Variants in ZCWPW2 observed in about 807,000 individuals in gnomAD.
The protein encoded by ZCWPW2 is zinc finger CW-type PWWP domain protein 2.
Under a neutral mutation model 46.6 loss-of-function variants are expected in ZCWPW2, and 45 were observed. The ratio of observed to expected loss-of-function variants is 0.96; its 90% CI spans 0.76 to 1.24. The LOEUF (loss-of-function observed/expected upper bound fraction) is 1.24. ZCWPW2 is among the 50% of genes most tolerant of loss of function. The pLI is 0.00. For missense variants in ZCWPW2, 429 were observed against 403.9 expected (o/e 1.06, Z -0.53); for synonymous variants, 152 against 137.1 (o/e 1.11, Z -0.76).
intron 1 of ZCWPW2, among the ~76,000 whole-genome samples, chr3:28,384,196 T>C (rs987596930): frequency 6.6e-5 from 10 of 152,312 alleles, no homozygotes; most frequent in African/African-American, 1.7e-4. Flanking sequence ...CCAACCACAG[T>C]CTTCTTTCCT....
At chr3:28,404,367 T>C (rs954439762) in intron 2 of ZCWPW2, among the ~76,000 whole-genome samples, 4 of 151,954 alleles carry the variant, frequency 2.6e-5, no homozygotes, top group South Asian at 2.1e-4. Flanking sequence ...AATCAAAAAA[T>C]CAAAAAACAG....
intron 4 of ZCWPW2, among the ~76,000 whole-genome samples, chr3:28,450,035 C>T (rs1051133062): frequency 6.6e-6 from 1 of 152,202 alleles, no homozygotes; most frequent in Admixed American, 6.5e-5. Context: ...GTCTGAGCCT[C>T]ACTCTACTGG....
chr3:28,413,161 T>G lies in ZCWPW2; in HGVS notation c.93T>G (p.Val31=), dbSNP rs1279436174. The G allele has an allele frequency of 6.2e-7, 1 of 1,613,210 alleles. No homozygotes were observed. The highest frequency in any genetic ancestry group is 1.3e-5 in the African/African-American group (1 of 74,890). The change falls in exon 3 of 10, where the codon GTT becomes GTG. Residue 31 remains valine, a synonymous_variant. Transcript: ENST00000383768. ...ACATGTATGTAAACAAAGTGTGGGT[T>G]CAATGTGAGAATGAAAATTGTTTGA... The part of the protein sequence containing the change: ...VENMYVNKVW[V]QCENENCLKW...
intron 4 of ZCWPW2, among the ~76,000 whole-genome samples, chr3:28,440,033 G>T (rs1022064405): frequency 1.3e-5 from 2 of 152,080 alleles, no homozygotes; most frequent in African/African-American, 2.4e-5. Context: ...AGGGGTCTGG[G>T]CTATTTGTAG....
chr3:28,448,512 T>C (rs1698084021), intron 4 of ZCWPW2, among the ~76,000 whole-genome samples: 1 of 151,730 alleles, frequency 6.6e-6, no homozygotes, highest in Admixed American at 6.6e-5. Context: ...CGGCCAGATG[T>C]GGTGGCTCAT....
At chr3:28,421,174 G>A (rs577557877) in intron 3 of ZCWPW2, among the ~76,000 whole-genome samples, 99 of 152,244 alleles carry the variant, frequency 6.5e-4, no homozygotes, top group African/African-American at 2.2e-3. Flanking sequence ...AGGGAGGGAA[G>A]GGTGCCTCAA....
rs149809750 is a variant in ZCWPW2, at chr3:28,392,607, C to A, written c.-14+1990C>A. On this transcript the variant is annotated intron_variant, in intron 2 of 9. Transcript: ENST00000383768. ...TTAACAAATTTAGGAAGATTGAAAT[C>A]ATATAATTTCTGACCACAATGGTAT... 2.6e-3 allele frequency among the ~76,000 whole-genome samples: 392 copies of A among 152,138 alleles called. 1 individual carries two copies. Among genetic ancestry groups the A allele is most frequent in the African/African-American group, 8.5e-3 (351 of 41,518 alleles).
At chr3:28,486,023 G>A (rs2125811205) in intron 5 of ZCWPW2, among the ~76,000 whole-genome samples, 1 of 151,366 alleles carries the variant, frequency 6.6e-6, no homozygotes. Flanking sequence ...CTCTTTTTCT[G>A]TCTTTGTGAT....
intron 4 of ZCWPW2, among the ~76,000 whole-genome samples, chr3:28,469,667 A>T (rs1698963451): frequency 6.6e-6 from 1 of 151,846 alleles, no homozygotes; most frequent in South Asian, 2.1e-4. Context: ...CATCAAGAGG[A>T]TATAACAGTT....
At chr3:28,397,161 TC>T (rs1695734679) in intron 2 of ZCWPW2, among the ~76,000 whole-genome samples, 2 of 151,782 alleles carry the variant, frequency 1.3e-5, no homozygotes, top group Admixed American at 1.3e-4. Context: ...TATTCAAAAC[TC>T]CTTGCATGTG....
intron 2 of ZCWPW2, among the ~76,000 whole-genome samples, chr3:28,403,212 G>A (rs1229529154): frequency 1.3e-5 from 2 of 152,120 alleles, no homozygotes; most frequent in African/African-American, 2.4e-5. Flanking sequence ...TCAGGATACA[G>A]AATTAATGTA....
In ZCWPW2 at chr3:28,500,565, C is replaced by T. The variant is rs188363646; in HGVS notation, c.657+8392C>T. On this transcript the variant is annotated intron_variant, in intron 6 of 9. Coordinates refer to ENST00000383768, the MANE Select transcript of ZCWPW2 (RefSeq NM_001040432.4). ...GACCATTTTCTTGATTTATACATTT[C>T]GATATGAGGAATTTCAGCTATTATG... Among the ~76,000 whole-genome samples the T allele has an allele frequency of 8.2e-3, 1,250 of 152,018 alleles. 22 individuals carry two copies. Among genetic ancestry groups the T allele is most frequent in the African/African-American group, 0.028 (1,178 of 41,480 alleles).
At chr3:28,514,992 C>A (rs1209064580) in intron 7 of ZCWPW2, among the ~76,000 whole-genome samples, 5 of 152,088 alleles carry the variant, frequency 3.3e-5, no homozygotes, top group Non-Finnish European at 5.9e-5. Context: ...TTCACAGTAA[C>A]CCTATCAAAT....
At chr3:28,386,401 G>A (rs1272494476) in intron 1 of ZCWPW2, among the ~76,000 whole-genome samples, 1 of 152,030 alleles carries the variant, frequency 6.6e-6, no homozygotes, top group Non-Finnish European at 1.5e-5. Context: ...AAATTAATAA[G>A]TTGTTTAAGT....
At chr3:28,457,681 T>G (rs1385101961) in intron 4 of ZCWPW2, among the ~76,000 whole-genome samples, 6 of 152,244 alleles carry the variant, frequency 3.9e-5, no homozygotes, top group Non-Finnish European at 8.8e-5. Flanking sequence ...CATTTGCTTC[T>G]TGTGCGGTAT....
chr3:28,474,586 C>CGTGCGTGT (rs1699156496), intron 4 of ZCWPW2, among the ~76,000 whole-genome samples: 1 of 136,170 alleles, frequency 7.3e-6, no homozygotes, highest in Admixed American at 7.3e-5. Context: ...TTAAATACAG[C>CGTGCGTGT]GTGTGTGTGT....
intron 2 of ZCWPW2, among the ~76,000 whole-genome samples, chr3:28,397,053 T>C (rs1040663765): frequency 6.6e-6 from 1 of 150,934 alleles, no homozygotes; most frequent in Non-Finnish European, 1.5e-5. Flanking sequence ...CATTTGAACC[T>C]GAGAAGCAGA....
At chr3:28,392,322 T>C (rs751918162) in intron 2 of ZCWPW2, among the ~76,000 whole-genome samples, 10 of 152,068 alleles carry the variant, frequency 6.6e-5, no homozygotes, top group Non-Finnish European at 1.3e-4. Context: ...ATAAGGCAAA[T>C]ATTAATAGAT....
chr3:28,466,223 C>T (rs1013918601), intron 4 of ZCWPW2, among the ~76,000 whole-genome samples: 8 of 152,090 alleles, frequency 5.3e-5, no homozygotes, highest in African/African-American at 1.9e-4. Context: ...AGAAAAACTA[C>T]CTATTGGGTA....
Sources: allele counts gnomAD v4.1 joint callset (sites outside exome capture counted in the v4.1 genomes callset), GRCh38; gene constraint gnomAD v4.1.1; transcripts MANE v1.5; gene names NCBI Gene and HGNC (gene_info 2026-07-23, HGNC 2026-07-21).